The following MAP2K5 variants were observed in gnomAD, a reference collection of about 807,000 sequenced individuals.
MAP2K5 encodes the protein mitogen-activated protein kinase kinase 5, also known as dual specificity mitogen-activated protein kinase kinase 5.
A neutral mutation model predicts 83.1 loss-of-function variants in MAP2K5; 49 were observed. The observed-to-expected ratio is 0.59, with a 90% CI of 0.47 to 0.75. The LOEUF (loss-of-function observed/expected upper bound fraction) is 0.75, where lower values mean the gene tolerates loss of function less well. Among genes scored for constraint, MAP2K5 ranks in the 30% least tolerant of loss-of-function variants. MAP2K5 has a pLI of 0.00. For missense variants in MAP2K5, 457 were observed against 557.5 expected (o/e 0.82, Z 1.82); for synonymous variants, 202 against 191.8 (o/e 1.05, Z -0.44).
chr15:67,744,076 A>G (rs2141268565), intron 17 of MAP2K5, among the ~76,000 whole-genome samples: 1 of 152,316 alleles, frequency 6.6e-6, no homozygotes, highest in Non-Finnish European at 1.5e-5. Flanking sequence ...CAAAGTGAGT[A>G]GATTGAACTA....
At position 67,770,709 on chromosome 15, in the gene MAP2K5, A is replaced by G. The variant is rs1358224383; in HGVS notation, c.1196+1046A>G. On this transcript the variant is annotated intron_variant, in intron 20 of 21. Transcript: ENST00000178640. This position sits in a 1 kb window ranked among gnomAD's most constrained non-coding sequence, Gnocchi z 5.0. ...TGTGCCATCCCCTTCCCCTCCCACT[A>G]TGATCTGTCCGATGATTATGCTAAA... Among the ~76,000 whole-genome samples the G allele has an allele frequency of 6.6e-6, 1 of 152,134 alleles. No individual in the cohort carries two copies. Among genetic ancestry groups the G allele is most frequent in the Non-Finnish European group, 1.5e-5 (1 of 68,014 alleles).
At chr15:67,589,771 G>A (rs188362278) in intron 6 of MAP2K5, among the ~76,000 whole-genome samples, 3 of 45,920 alleles carry the variant, frequency 6.5e-5, no homozygotes, top group Non-Finnish European at 1.8e-4. Flanking sequence ...AGAAAAAAAT[G>A]TGTGTGTGTG....
rs1267654014 is a variant in MAP2K5, at chr15:67,768,178, T to TA, written c.1135-1422dup. 3.9e-5 allele frequency among the ~76,000 whole-genome samples: 6 copies of TA among 152,314 alleles called. No homozygotes were observed. The East Asian group carries it at 1.2e-3, about 29-fold the overall frequency. ...GTTTGAATTGGAAACAAAGCCTTAA[T>TA]AAGAGTTCTAGTTAATTTTCTGTCT... On this transcript the variant is annotated intron_variant, in intron 19 of 21. Coordinates refer to ENST00000178640, the MANE Select transcript of MAP2K5 (RefSeq NM_145160.3). This position sits in a 1 kb window ranked among gnomAD's most constrained non-coding sequence, Gnocchi z 4.0.
Position 67,545,729 on chromosome 15 carries a change from G to C in MAP2K5, c.135+2259G>C, listed in dbSNP as rs149861238. On this transcript the variant is annotated intron_variant, in intron 1 of 21. Coordinates refer to ENST00000178640, the MANE Select transcript of MAP2K5 (RefSeq NM_145160.3). ...TGTACTACTGGGGCAAGTATCTTCTGTATCTCAGTTTCTTTATTTGTGAAA... is the reference window on the plus strand; with the variant it reads ...TGTACTACTGGGGCAAGTATCTTCTCTATCTCAGTTTCTTTATTTGTGAAA... Among the ~76,000 whole-genome samples, 4 of 152,288 alleles carry C rather than the reference G, an allele frequency of 2.6e-5. No homozygotes were observed. The East Asian group carries it at 7.7e-4, about 29-fold the overall frequency.
chr15:67,563,225 C>T lies in MAP2K5; in HGVS notation c.185-58C>T. On this transcript the variant is annotated intron_variant, in intron 2 of 21. Transcript: ENST00000178640. The surrounding 1 kb of genome is among the most constrained non-coding windows in gnomAD (Gnocchi z 4.5). ...TGTAATAAACCGTTTATATTATGTT[C>T]CCTTTGTGCATTAAACAAATGCACA... 1 of 1,574,342 alleles carries T rather than the reference C, an allele frequency of 6.4e-7. No homozygotes were observed.
intron 2 of MAP2K5, among the ~76,000 whole-genome samples, chr15:67,553,001 G>A (rs1596548842): frequency 6.6e-6 from 1 of 152,126 alleles, no homozygotes; most frequent in African/African-American, 2.4e-5. Context: ...AAAGTGGCTT[G>A]ATGTGCCTGT....
intron 16 of MAP2K5, 117 bp from the exon 17 acceptor site, chr15:67,727,799 G>A (rs1042202393): frequency 3.8e-6 from 3 of 795,526 alleles, no homozygotes; most frequent in East Asian, 4.9e-5. Flanking sequence ...TACATTCAAG[G>A]TTGTGAACTT....
intron 13 of MAP2K5, among the ~76,000 whole-genome samples, chr15:67,667,300 CT>C (rs1365153917): frequency 2.0e-5 from 3 of 152,138 alleles, no homozygotes; most frequent in African/African-American, 7.2e-5. Context: ...AAGATCAGAG[CT>C]TTTAAGTTCA....
chr15:67,756,623 T>C (rs8043459), intron 19 of MAP2K5, among the ~76,000 whole-genome samples: 133,014 of 149,276 alleles, frequency 0.89, 59,408 homozygotes, highest in Middle Eastern at 0.92. Flanking sequence ...GGATTATTAA[T>C]TATACTCACC....
At chr15:67,598,288 G>A (rs868396728) in intron 7 of MAP2K5, among the ~76,000 whole-genome samples, 7 of 151,996 alleles carry the variant, frequency 4.6e-5, no homozygotes, top group African/African-American at 1.7e-4. Context: ...AAACATTGTA[G>A]AAAGACATTA....
At chr15:67,791,166 G>A (rs1387756487) in intron 21 of MAP2K5, among the ~76,000 whole-genome samples, 3 of 152,170 alleles carry the variant, frequency 2.0e-5, no homozygotes, top group Non-Finnish European at 4.4e-5. Flanking sequence ...CCTGTGAATT[G>A]GCTTAATGTC....
At chr15:67,776,591 G>A (rs1008636998) in intron 21 of MAP2K5, among the ~76,000 whole-genome samples, 1 of 152,160 alleles carries the variant, frequency 6.6e-6, no homozygotes, top group African/African-American at 2.4e-5. Flanking sequence ...ATAAAAATCA[G>A]ACCCTTAAAT....
intron 16 of MAP2K5, among the ~76,000 whole-genome samples, chr15:67,723,276 G>C (rs113799660): frequency 6.6e-6 from 1 of 151,902 alleles, no homozygotes; most frequent in South Asian, 2.1e-4. Flanking sequence ...TCTCTTTCAC[G>C]CACAGGCACA....
At position 67,769,768 on chromosome 15, in the gene MAP2K5, C is replaced by A; in HGVS notation, c.1196+105C>A. The A allele has an allele frequency of 8.8e-7, 1 of 1,139,612 alleles. No homozygotes were observed. The highest frequency in any genetic ancestry group is 1.3e-6 in the Non-Finnish European group (1 of 770,876). The allele number at this position is 1,139,612 out of a possible 1,614,324, so 70.6% of individuals were successfully genotyped here. A position where few individuals can be genotyped will look rare whatever the true frequency, so the allele number is the denominator to read the frequency against. On this transcript the variant is annotated intron_variant, in intron 20 of 21. Coordinates refer to ENST00000178640, the MANE Select transcript of MAP2K5 (RefSeq NM_145160.3). The surrounding 1 kb of genome is among the most constrained non-coding windows in gnomAD (Gnocchi z 5.2). The stretch of plus-strand genomic sequence containing the variant: ...GGCTCTCCCTGCATCCTTTTGGAGA[C>A]AGGAGGGACTTCGGGGCCTTGGGCA...
chr15:67,776,429 C>A (rs968431332), intron 21 of MAP2K5, among the ~76,000 whole-genome samples: 11 of 152,058 alleles, frequency 7.2e-5, no homozygotes, highest in African/African-American at 2.7e-4. Context: ...CAGAAAAATG[C>A]AGGGATTCCA....
chr15:67,763,324 C>A (rs572666355), intron 19 of MAP2K5, among the ~76,000 whole-genome samples: 1 of 152,056 alleles, frequency 6.6e-6, no homozygotes, highest in Non-Finnish European at 1.5e-5. Context: ...TTTTAACAAG[C>A]ATTGATTGAA....
chr15:67,657,283 A>T lies in MAP2K5; in HGVS notation c.737-1270A>T, dbSNP rs181700638. Among the ~76,000 whole-genome samples, 820 of 152,274 alleles carry T rather than the reference A, an allele frequency of 5.4e-3. 12 individuals carry two copies. The highest frequency in any genetic ancestry group is 0.019 in the African/African-American group (772 of 41,560). Reference sequence around the variant, plus strand: ...TCTCCTCTTAGAAGTTGTTACTGGTACATGTGGATGGGTTTTCACCTCCTA... The same window carrying T: ...TCTCCTCTTAGAAGTTGTTACTGGTTCATGTGGATGGGTTTTCACCTCCTA... On this transcript the variant is annotated intron_variant, in intron 11 of 21. Coordinates refer to ENST00000178640, the MANE Select transcript of MAP2K5 (RefSeq NM_145160.3).
In MAP2K5 at chr15:67,549,196, T is replaced by C. The variant is rs553147950; in HGVS notation, c.136-838T>C. 44 of 1,535,546 alleles carry C rather than the reference T, an allele frequency of 2.9e-5. No homozygotes were observed. In the East Asian group the frequency reaches 9.0e-4, roughly 32 times the overall value. On this transcript the variant is annotated intron_variant, in intron 1 of 21. Transcript: ENST00000178640. ...TGGACTGGACATGATGGAGGGTCAC[T>C]TTCCCCAGAGCGTAGGTGTTCTATG... is the stretch of plus-strand genomic sequence containing the variant.
At chr15:67,567,451 G>A (rs187242551) in intron 3 of MAP2K5, among the ~76,000 whole-genome samples, 3,793 of 147,020 alleles carry the variant, frequency 0.026, 82 homozygotes, top group Middle Eastern at 0.057. Context: ...TGCAAGCTCC[G>A]CTTCCCGGGT....
Sources: gnomAD v4.1 joint callset for allele counts (sites outside exome capture counted in the v4.1 genomes callset) on GRCh38, gnomAD v4.1.1 for gene constraint, Gnocchi (gnomAD v3.1) non-coding constraint, MANE v1.5 for transcripts, NCBI Gene and HGNC (gene_info 2026-07-23, HGNC 2026-07-21) for gene names.